The following ABCA13 variants were observed in gnomAD, a reference collection of about 807,000 sequenced individuals.
ABCA13 encodes the protein ATP-binding cassette sub-family A member 13.
ABCA13 carries 476 observed loss-of-function variants against 478.7 expected under a neutral mutation model. The observed-to-expected ratio is 0.99, with a 90% confidence interval of 0.92 to 1.07. The LOEUF (loss-of-function observed/expected upper bound fraction) is 1.07. Ranked by LOEUF, ABCA13 falls within the 50% of genes least tolerant of loss-of-function variation. The pLI, the probability that ABCA13 is intolerant of heterozygous loss-of-function variation, is 0.00. For synonymous variants in ABCA13, 2,252 were observed against 2,158.9 expected, an observed-to-expected ratio of 1.04 and a Z score of -1.20; for missense variants, 6,060 against 5,910.6, an observed-to-expected ratio of 1.03 and a Z score of -0.83.
rs374057966 is a variant in ABCA13 at position 48,295,707 on chromosome 7, A to G, written c.8963A>G (p.Glu2988Gly). 38 of 1,614,048 alleles carry G rather than the reference A, an allele frequency of 2.4e-5. No homozygotes were observed. In the East Asian group the frequency reaches 2.9e-4, roughly 12 times the overall value. ...CATTGCTATGTTTTCTAGGAAATTG[A>G]AAAGATATGGTCCTCGCCGAATCAG... ...TLAQDHFQEI[E>G]KIWSSPNQLN... is the part of the protein sequence containing the mutation. Residue 2988 changes from glutamate (E) to glycine (G), a missense_variant, in exon 21 of 62, where the codon GAA becomes GGA. Physicochemically the swap from Glu to Gly is moderately conservative, Grantham distance 98. This residue lies in a region of ABCA13 where 4,423 missense variants were observed against 4,309.1 expected (regional missense o/e 1.03). Transcript: ENST00000435803.
chr7:48,528,423 C>A (rs1428568971), intron 55 of ABCA13, 78 bp downstream of exon 55: 1 of 994,678 alleles, frequency 1.0e-6, no homozygotes, highest in Non-Finnish European at 1.4e-6. Context: ...TCCCTCAGTC[C>A]CGTGGAATAA....
chr7:48,521,209 C>G (rs1486603489), intron 53 of ABCA13, among the ~76,000 whole-genome samples: 1 of 152,160 alleles, frequency 6.6e-6, no homozygotes, highest in African/African-American at 2.4e-5. Context: ...GGCTTCCCCC[C>G]CATACCCAAG....
At position 48,489,091 on chromosome 7, in the gene ABCA13, G is replaced by T. The variant is rs149976625; in HGVS notation, c.13183-145G>T. ...GACTAGAATTGACTGCTCACTGTCAGCCATGCAGGAACATTACTTTGAATC... is the reference window on the plus strand; with the variant it reads ...GACTAGAATTGACTGCTCACTGTCATCCATGCAGGAACATTACTTTGAATC... On this transcript the variant is annotated intron_variant, in intron 47 of 61. Coordinates refer to ENST00000435803, the MANE Select transcript of ABCA13 (RefSeq NM_152701.5). 405 of 584,140 alleles carry T rather than the reference G, an allele frequency of 6.9e-4. 1 individual carries two copies. The highest frequency in any genetic ancestry group is 6.9e-3 in the African/African-American group (369 of 53,316). The allele number at this position is 584,140 out of a possible 1,614,324, so 36.2% of individuals were successfully genotyped here.
At chr7:48,345,898 T>C (rs1365734347) in intron 29 of ABCA13, among the ~76,000 whole-genome samples, 1 of 152,200 alleles carries the variant, frequency 6.6e-6, no homozygotes, top group Non-Finnish European at 1.5e-5. Context: ...TCTAAGTGTA[T>C]CATTTAATAC....
At chr7:48,437,780 G>A (rs1823039702) in intron 42 of ABCA13, among the ~76,000 whole-genome samples, 1 of 152,046 alleles carries the variant, frequency 6.6e-6, no homozygotes, top group South Asian at 2.1e-4. Context: ...CCTGGGTCTT[G>A]AGATCAGCCT....
At chr7:48,448,920 G>A (rs1759945876) in intron 42 of ABCA13, among the ~76,000 whole-genome samples, 1 of 152,078 alleles carries the variant, frequency 6.6e-6, no homozygotes, top group South Asian at 2.1e-4. Context: ...TTGGCTCACG[G>A]TAACCTCTAC....
At chr7:48,445,861 C>A (rs1382470572) in intron 42 of ABCA13, among the ~76,000 whole-genome samples, 1 of 152,016 alleles carries the variant, frequency 6.6e-6, no homozygotes, top group Non-Finnish European at 1.5e-5. Context: ...GACTAACAGA[C>A]CAGCTGAATG....
chr7:48,306,666 A>C (rs933809822), intron 23 of ABCA13, among the ~76,000 whole-genome samples: 3 of 152,172 alleles, frequency 2.0e-5, no homozygotes, highest in Non-Finnish European at 4.4e-5. Flanking sequence ...GCCCTATATG[A>C]AAAAAGGTCT....
At chr7:48,395,931 T>C (rs1816776009) in intron 38 of ABCA13, among the ~76,000 whole-genome samples, 1 of 152,192 alleles carries the variant, frequency 6.6e-6, no homozygotes, top group South Asian at 2.1e-4. Flanking sequence ...AGTCCCTGCA[T>C]TGTTCAAGGG....
intron 58 of ABCA13, among the ~76,000 whole-genome samples, chr7:48,609,727 A>T (rs17132508): frequency 0.1 from 15,265 of 152,176 alleles, 1,288 homozygotes; most frequent in African/African-American, 0.23. Context: ...CATACAGGAA[A>T]TTTTGTGTTT....
intron 59 of ABCA13, among the ~76,000 whole-genome samples, chr7:48,629,051 T>G (rs1262504526): frequency 1.3e-5 from 2 of 152,332 alleles, no homozygotes; most frequent in African/African-American, 4.8e-5. Context: ...TCTGCATTAT[T>G]CATGACTAGT....
At chr7:48,327,855 C>T (rs1041342252) in intron 27 of ABCA13, among the ~76,000 whole-genome samples, 5 of 152,170 alleles carry the variant, frequency 3.3e-5, no homozygotes, top group African/African-American at 1.2e-4. Flanking sequence ...TCCTGACTGC[C>T]TTCACCTTTG....
chr7:48,591,727 C>T (rs1029375588), intron 57 of ABCA13, among the ~76,000 whole-genome samples: 1 of 151,848 alleles, frequency 6.6e-6, no homozygotes, highest in African/African-American at 2.4e-5. Context: ...TCATTTTGAT[C>T]TTATTGTAAA....
At chr7:48,594,866 G>C in intron 58 of ABCA13, 53 bp downstream of exon 58, 1 of 1,494,166 alleles carries the variant, frequency 6.7e-7, no homozygotes, top group South Asian at 1.1e-5. Flanking sequence ...AGTAACAAAG[G>C]TTAAGAAGTG....
At chr7:48,637,278 G>A (rs1219841401) in intron 59 of ABCA13, among the ~76,000 whole-genome samples, 3 of 149,080 alleles carry the variant, frequency 2.0e-5, no homozygotes, top group South Asian at 2.1e-4. Flanking sequence ...CAGGTCTCAC[G>A]CACGAAGTAC....
intron 35 of ABCA13, among the ~76,000 whole-genome samples, chr7:48,379,411 A>G (rs1813996653): frequency 6.6e-6 from 1 of 152,178 alleles, no homozygotes; most frequent in Non-Finnish European, 1.5e-5. Context: ...CTCTCTTGAA[A>G]TGAAACTTAT....
rs766059875 is a variant in ABCA13, at chr7:48,520,073, G to A, written c.13830G>A (p.Trp4610Ter). ...AGAATATCTATGATGTCCTCAAGTG[G>A]GTCTTTACTATTTTTCCTCAATTCT... ...NLQNIYDVLKWVFTIFPQFCL... is the reference protein window; with the variant it reads ...NLQNIYDVLK Residue 4610 changes from tryptophan to a stop codon, truncating the protein, a stop_gained, in exon 53 of 62, where the codon TGG (tryptophan) becomes TGA (stop). Coordinates refer to ENST00000435803, the MANE Select transcript of ABCA13 (RefSeq NM_152701.5). LOFTEE classifies it high-confidence loss of function. The A allele has an allele frequency of 2.1e-5, 34 of 1,612,782 alleles. No homozygotes were observed. Among genetic ancestry groups the A allele is most frequent in the African/African-American group, 4.0e-5 (3 of 74,824 alleles).
chr7:48,173,216 C>A (rs1794387169), intron 1 of ABCA13, among the ~76,000 whole-genome samples: 1 of 152,198 alleles, frequency 6.6e-6, no homozygotes, highest in African/African-American at 2.4e-5. Flanking sequence ...TCCCACTTTT[C>A]TTTGACTTAT....
chr7:48,271,523 T>C (rs984886271), intron 16 of ABCA13, among the ~76,000 whole-genome samples: 1 of 152,172 alleles, frequency 6.6e-6, no homozygotes, highest in Non-Finnish European at 1.5e-5. Context: ...ATACATATTA[T>C]TGTTAAATAT....
Sources: gnomAD v4.1 joint callset for allele counts (sites outside exome capture counted in the v4.1 genomes callset) on GRCh38, gnomAD v4.1.1 for gene constraint, gnomAD v4.1.1 regional missense constraint, MANE v1.5 for transcripts, NCBI Gene and HGNC (gene_info 2026-07-23, HGNC 2026-07-21) for gene names.